SMG7: variants seen among roughly 807,000 people sequenced by gnomAD.
SMG7 encodes the protein SMG7 nonsense mediated mRNA decay factor.
Under a neutral mutation model 148.2 loss-of-function variants are expected in SMG7, and 34 were observed. The ratio of observed to expected loss-of-function variants is 0.23; its 90% CI spans 0.17 to 0.31. The LOEUF is 0.31. Ranked by LOEUF, SMG7 falls within the 10% of genes least tolerant of loss-of-function variation. The pLI, the probability that SMG7 is intolerant of heterozygous loss-of-function variation, is 1.00. For synonymous variants in SMG7, 492 were observed against 515.1 expected (o/e 0.96, Z 0.61); for missense variants, 1,114 against 1,408.4 (o/e 0.79, Z 3.35).
At chr1:183,477,895 C>G (rs571915769) in intron 1 of SMG7, among the ~76,000 whole-genome samples, 2 of 151,998 alleles carry the variant, frequency 1.3e-5, no homozygotes, top group Non-Finnish European at 1.5e-5. Flanking sequence ...GCTCACTTGT[C>G]AGAAGTTTTG....
At chr1:183,533,871 T>G (rs374908431) in intron 10 of SMG7, 39 bp downstream of exon 10, 13 of 1,555,450 alleles carry the variant, frequency 8.4e-6, no homozygotes, top group Non-Finnish European at 1.1e-5. Context: ...TTGTGTGCTT[T>G]GTTTGTTTGA....
Position 183,533,244 on chromosome 1 carries a change from T to C in SMG7, c.924T>C (p.Leu308=), listed in dbSNP as rs368832251. The part of the protein sequence containing the change: ...TVINLFQLHH[L]RDFSNETEQH... ...TTAACCTGTTTCAACTTCATCACCT[T>C]CGTGACTTTAGCAATGAAACCGAGC... Residue 308 remains leucine (L), a synonymous_variant, in exon 9 of 23, where the codon CTT becomes CTC. Coordinates refer to ENST00000688051, the MANE Select transcript of SMG7 (RefSeq NM_001375584.1). The C allele has an allele frequency of 4.7e-5, 76 of 1,613,896 alleles. No individual in the cohort carries two copies. The highest frequency in any genetic ancestry group is 6.4e-5 in the Non-Finnish European group (76 of 1,179,874).
Position 183,502,320 on chromosome 1 carries a change from C to T in SMG7, c.30-10517C>T, listed in dbSNP as rs772366114. 3.9e-6 allele frequency: 6 copies of T among 1,534,374 alleles called. No individual in the cohort carries two copies. The Admixed American group carries it at 7.9e-5, about 20-fold the overall frequency. On this transcript the variant is annotated intron_variant, in intron 1 of 22. Coordinates refer to ENST00000688051, the MANE Select transcript of SMG7 (RefSeq NM_001375584.1). ...TGCAGATAGTCATTGTGGGAGAAAA[C>T]GTTTCATTTAAGTCCCAGATGAGGA...
chr1:183,505,896 T>C (rs1001700592), intron 1 of SMG7, among the ~76,000 whole-genome samples: 1 of 152,238 alleles, frequency 6.6e-6, no homozygotes, highest in Non-Finnish European at 1.5e-5. Context: ...TTCAGTCTTA[T>C]ATCTGTAGTA....
At chr1:183,484,615 T>C (rs1220191453) in intron 1 of SMG7, among the ~76,000 whole-genome samples, 2 of 152,150 alleles carry the variant, frequency 1.3e-5, no homozygotes, top group African/African-American at 4.8e-5. Context: ...CAGGGAATTG[T>C]TAGCATTTCC....
chr1:183,510,778 ATACT>A (rs1479920883), intron 1 of SMG7, among the ~76,000 whole-genome samples: 4 of 152,078 alleles, frequency 2.6e-5, no homozygotes, highest in African/African-American at 4.8e-5. Context: ...TTGACATTAA[ATACT>A]TAATAAATTA....
In SMG7 at chr1:183,547,111, G is replaced by A. The variant is rs1313030151; in HGVS notation, c.2751G>A (p.Lys917=). 1 of 1,549,730 alleles carries A rather than the reference G, an allele frequency of 6.5e-7. No individual in the cohort carries two copies. Among genetic ancestry groups the A allele is most frequent in the East Asian group, 2.4e-5 (1 of 40,912 alleles). ...PVPRMPFEDP[K]SSPLLPPDLL... ...ATGCTTTCTGTCACTAGGACCCCAA[G>A]AGCTCCCCTCTGCTTCCTCCGGACC... Residue 917 remains lysine, a synonymous_variant, in exon 18 of 23, where the codon AAG becomes AAA. Coordinates refer to ENST00000688051, the MANE Select transcript of SMG7 (RefSeq NM_001375584.1).
At chr1:183,499,745 C>G (rs191038164) in intron 1 of SMG7, among the ~76,000 whole-genome samples, 4 of 152,248 alleles carry the variant, frequency 2.6e-5, no homozygotes, top group African/African-American at 9.6e-5. Flanking sequence ...GTCCCTTTGT[C>G]AGTTTTTTCA....
chr1:183,545,651 C>T (rs1669792613), intron 16 of SMG7, among the ~76,000 whole-genome samples: 1 of 152,102 alleles, frequency 6.6e-6, no homozygotes, highest in Non-Finnish European at 1.5e-5. Flanking sequence ...AGATGTGACA[C>T]CAATCTTAAA....
At position 183,540,799 on chromosome 1, in the gene SMG7, C is replaced by T. The variant is rs180820494; in HGVS notation, c.1296-185C>T. Among the ~76,000 whole-genome samples, 28 of 152,200 alleles carry T rather than the reference C, an allele frequency of 1.8e-4. 1 individual carries two copies. The highest frequency in any genetic ancestry group is 3.4e-3 in the Middle Eastern group (1 of 294). On this transcript the variant is annotated intron_variant, in intron 12 of 22. Coordinates refer to ENST00000688051, the MANE Select transcript of SMG7 (RefSeq NM_001375584.1). ...ATGAATTTGTATATTTTCTTTTCTGCTTTGTTTCATAGTTTGTAAAAATCT... is the reference window on the plus strand; with the variant it reads ...ATGAATTTGTATATTTTCTTTTCTGTTTTGTTTCATAGTTTGTAAAAATCT...
At chr1:183,533,599 G>C (rs1331115073) in intron 9 of SMG7, 77 bp from the exon 10 acceptor site, 1 of 1,230,144 alleles carries the variant, frequency 8.1e-7, no homozygotes, top group Non-Finnish European at 1.2e-6. Context: ...GAATATAGTA[G>C]AAGGCACATA....
intron 18 of SMG7, among the ~76,000 whole-genome samples, chr1:183,547,988 T>C (rs543186288): frequency 4.6e-5 from 7 of 152,344 alleles, no homozygotes; most frequent in Admixed American, 3.3e-4. Flanking sequence ...TGAGGCTTTT[T>C]CCCCTCTCTT....
Position 183,552,615 on chromosome 1 carries a change from T to C in SMG7, c.*684T>C, listed in dbSNP as rs1481023381. 9.6e-7 allele frequency: 1 copy of C among 1,043,196 alleles called. No homozygotes were observed. Among genetic ancestry groups the C allele is most frequent in the Non-Finnish European group, 1.2e-6 (1 of 864,564 alleles). The allele number at this position is 1,043,196 out of a possible 1,614,324, so 64.6% of individuals were successfully genotyped here. ...GTAGGCCTTCCTCTGGCCAGGAGAC[T>C]CCAGCAGGGAATGCCCTTCACTCTG... On this transcript the variant is annotated 3_prime_UTR_variant, in exon 23 of 23. Transcript: ENST00000688051.
intron 12 of SMG7, among the ~76,000 whole-genome samples, chr1:183,539,078 A>G (rs1450880347): frequency 6.6e-6 from 1 of 152,016 alleles, no homozygotes; most frequent in Non-Finnish European, 1.5e-5. Flanking sequence ...TGAACCCAGG[A>G]GGCAGAGGCT....
intron 6 of SMG7, among the ~76,000 whole-genome samples, chr1:183,528,594 G>T (rs537727227): frequency 1.3e-5 from 2 of 152,264 alleles, no homozygotes; most frequent in African/African-American, 2.4e-5. Flanking sequence ...CACTACAGTG[G>T]CAGAGTTGAG....
At position 183,525,925 on chromosome 1, in the gene SMG7, C is replaced by T. The variant is rs187209973; in HGVS notation, c.313-671C>T. On this transcript the variant is annotated intron_variant, in intron 4 of 22. Coordinates refer to ENST00000688051, the MANE Select transcript of SMG7 (RefSeq NM_001375584.1). ...GCTTACATTTAAGTCAAATTTGTAA[C>T]CAATATTTAATAATTTTTGGGTTTC... 8.9e-4 allele frequency among the ~76,000 whole-genome samples: 135 copies of T among 152,084 alleles called. 1 individual carries two copies. The highest frequency in any genetic ancestry group is 6.8e-3 in the Middle Eastern group (2 of 294).
intron 1 of SMG7, among the ~76,000 whole-genome samples, chr1:183,511,149 A>AG (rs1045468539): frequency 2.6e-5 from 4 of 152,130 alleles, no homozygotes; most frequent in African/African-American, 9.7e-5. Flanking sequence ...AAAAAAAAAA[A>AG]AAATCTCTCT....
chr1:183,477,740 A>C (rs1652945622), intron 1 of SMG7, among the ~76,000 whole-genome samples: 1 of 149,992 alleles, frequency 6.7e-6, no homozygotes, highest in South Asian at 2.1e-4. Context: ...ATGCATATAT[A>C]CATGTGTGTG....
chr1:183,506,075 G>A (rs1660825122), intron 1 of SMG7, among the ~76,000 whole-genome samples: 1 of 152,116 alleles, frequency 6.6e-6, no homozygotes, highest in African/African-American at 2.4e-5. Flanking sequence ...GTGGCTTTCT[G>A]CCTTGCATTT....
Sources: gnomAD v4.1 joint callset for allele counts (sites outside exome capture counted in the v4.1 genomes callset) on GRCh38, gnomAD v4.1.1 for gene constraint, MANE v1.5 for transcripts, NCBI Gene and HGNC (gene_info 2026-07-23, HGNC 2026-07-21) for gene names.